The following GABRB3 variants were observed in gnomAD, a reference collection of about 807,000 sequenced individuals.
GABRB3 encodes gamma-aminobutyric acid receptor subunit beta-3.
In GABRB3, 14 loss-of-function variants were observed where a neutral mutation model predicts 52.1. The observed-to-expected ratio is 0.27, with a 90% CI of 0.18 to 0.42. The LOEUF (loss-of-function observed/expected upper bound fraction) is 0.42, where lower values mean the gene tolerates loss of function less well. GABRB3 is among the 10% of genes least tolerant of loss of function. The pLI, the probability that GABRB3 is intolerant of heterozygous loss-of-function variation, is 1.00. For missense variants in GABRB3, 307 were observed against 609.1 expected, an observed-to-expected ratio of 0.50 and a Z score of 5.22; for synonymous variants, 260 against 232.3, an observed-to-expected ratio of 1.12 and a Z score of -1.08.
chr15:26,575,666 TA>T (rs59422832), intron 6 of GABRB3, among the ~76,000 whole-genome samples: 1 of 152,084 alleles, frequency 6.6e-6, no homozygotes, highest in African/African-American at 2.4e-5. Flanking sequence ...GGTGGACTTT[TA>T]AAAAAATTTA....
intron 5 of GABRB3, among the ~76,000 whole-genome samples, chr15:26,580,887 A>G (rs1890763730): frequency 6.6e-6 from 1 of 152,256 alleles, no homozygotes; most frequent in African/African-American, 2.4e-5. Flanking sequence ...TCAAATACTG[A>G]AGGTGAATTT....
chr15:26,708,621 C>G (rs1889183379), intron 3 of GABRB3, among the ~76,000 whole-genome samples: 1 of 152,142 alleles, frequency 6.6e-6, no homozygotes, highest in South Asian at 2.1e-4. Context: ...GAGTAGGAGT[C>G]ATCGCAGGGA....
At chr15:26,654,803 T>A (rs561719823) in intron 3 of GABRB3, among the ~76,000 whole-genome samples, 2 of 151,748 alleles carry the variant, frequency 1.3e-5, no homozygotes, top group East Asian at 2.0e-4. Context: ...TCTTTGTAAA[T>A]TTTTTTTTGT....
chr15:26,759,947 A>G (rs190235181), intron 3 of GABRB3, among the ~76,000 whole-genome samples: 104 of 152,350 alleles, frequency 6.8e-4, no homozygotes, highest in Non-Finnish European at 9.0e-4. Context: ...TCACAAACTA[A>G]TAATTCTAAA....
intron 3 of GABRB3, chr15:26,772,039 T>G (rs527508040): frequency 1.5e-4 from 36 of 237,236 alleles, no homozygotes; most frequent in Non-Finnish European, 2.6e-4. Context: ...CCTCTCCCGG[T>G]TCCCCAGCGC....
chr15:26,699,140 T>TA (rs1888843734), intron 3 of GABRB3, among the ~76,000 whole-genome samples: 1 of 152,138 alleles, frequency 6.6e-6, no homozygotes, highest in African/African-American at 2.4e-5. Context: ...TGTCAGAGTT[T>TA]AAGAAGAAGT....
chr15:26,644,682 G>A (rs1380453163), intron 3 of GABRB3, among the ~76,000 whole-genome samples: 1 of 151,872 alleles, frequency 6.6e-6, no homozygotes, highest in Non-Finnish European at 1.5e-5. Flanking sequence ...CCTAGCAGAC[G>A]GATACACTGC....
At chr15:26,757,603 A>C (rs1317291877) in intron 3 of GABRB3, among the ~76,000 whole-genome samples, 1 of 152,260 alleles carries the variant, frequency 6.6e-6, no homozygotes, top group Admixed American at 6.5e-5. Context: ...TTAAAGCTTA[A>C]GTATTTAGAA....
intron 3 of GABRB3, among the ~76,000 whole-genome samples, chr15:26,716,415 C>T (rs773674983): frequency 2.6e-5 from 4 of 152,198 alleles, no homozygotes; most frequent in Admixed American, 6.5e-5. Flanking sequence ...ACAGCACATT[C>T]GAGTCCCTCA....
rs1891014362 is a variant in GABRB3, at chr15:26,586,937, CAG to C, written c.462-3525_462-3524del. 3.3e-5 allele frequency among the ~76,000 whole-genome samples: 5 copies of C among 152,174 alleles called. No homozygotes were observed. In the South Asian group the frequency reaches 1.0e-3, roughly 32 times the overall value. ...TGAGCAAAGGGTAGACAATTTCAAA[CAG>C]GGAGAATATGTTTTCTCTTTTTGTG... On this transcript the variant is annotated intron_variant, in intron 4 of 8. Transcript: ENST00000311550.
intron 8 of GABRB3, among the ~76,000 whole-genome samples, chr15:26,549,240 A>C (rs1373563356): frequency 1.3e-5 from 2 of 152,188 alleles, no homozygotes; most frequent in African/African-American, 2.4e-5. Context: ...CATCAATGGC[A>C]TCCAGCTAGA....
chr15:26,585,846 T>C (rs1024183447), intron 4 of GABRB3, among the ~76,000 whole-genome samples: 4 of 152,234 alleles, frequency 2.6e-5, no homozygotes, highest in Non-Finnish European at 4.4e-5. Context: ...CTTTCAACTC[T>C]GGCATGTGTT....
intron 4 of GABRB3, among the ~76,000 whole-genome samples, chr15:26,591,880 G>A (rs567825696): frequency 5.3e-5 from 8 of 152,134 alleles, no homozygotes; most frequent in East Asian, 3.8e-4. Flanking sequence ...TAGCTCCTCC[G>A]ATGTTCTAGT....
intron 3 of GABRB3, among the ~76,000 whole-genome samples, chr15:26,755,579 A>T (rs1890638758): frequency 6.6e-6 from 1 of 152,196 alleles, no homozygotes; most frequent in Non-Finnish European, 1.5e-5. Flanking sequence ...CTGGGGATTT[A>T]ACTCAATTTT....
intron 7 of GABRB3, among the ~76,000 whole-genome samples, chr15:26,565,886 C>T (rs185154637): frequency 6.6e-6 from 1 of 152,210 alleles, no homozygotes; most frequent in East Asian, 1.9e-4. Flanking sequence ...GGGGAGGGGT[C>T]CCAGCAACTT....
chr15:26,746,931 G>A (rs1555381613), intron 3 of GABRB3, among the ~76,000 whole-genome samples: 1 of 147,972 alleles, frequency 6.8e-6, no homozygotes, highest in South Asian at 2.1e-4. Flanking sequence ...AACTTGCAGT[G>A]AGCAGAGATC....
intron 8 of GABRB3, among the ~76,000 whole-genome samples, chr15:26,552,040 CTT>C (rs2140655106): frequency 6.6e-6 from 1 of 150,938 alleles, no homozygotes; most frequent in South Asian, 2.1e-4. Flanking sequence ...GAGTTTCACT[CTT>C]GTTGCCCAGG....
At chr15:26,671,448 G>C (rs1488014164) in intron 3 of GABRB3, among the ~76,000 whole-genome samples, 2 of 152,174 alleles carry the variant, frequency 1.3e-5, no homozygotes, top group African/African-American at 4.8e-5. Flanking sequence ...GATTGGAGCA[G>C]GGACACATTC....
At chr15:26,757,872 T>C (rs1890704983) in intron 3 of GABRB3, among the ~76,000 whole-genome samples, 1 of 152,164 alleles carries the variant, frequency 6.6e-6, no homozygotes, top group African/African-American at 2.4e-5. Flanking sequence ...AGAGTAAGTG[T>C]AAATTAGTTA....
Sources: allele counts gnomAD v4.1 joint callset (sites outside exome capture counted in the v4.1 genomes callset), GRCh38; gene constraint gnomAD v4.1.1; transcripts MANE v1.5; gene names NCBI Gene and HGNC (gene_info 2026-07-23, HGNC 2026-07-21).